Variants in PBX1 observed in about 807,000 individuals in gnomAD.
PBX1 encodes pre-B-cell leukemia transcription factor 1.
PBX1 carries 6 observed loss-of-function variants against 53.4 expected under a neutral mutation model. The ratio of observed to expected loss-of-function variants is 0.11; its 90% CI spans 0.06 to 0.22. The LOEUF (loss-of-function observed/expected upper bound fraction) is 0.22. Ranked by LOEUF, PBX1 falls within the 10% of genes least tolerant of loss-of-function variation. The probability of loss-of-function intolerance (pLI) is 1.00; values close to 1 mark genes in which losing one functional copy is unlikely to be tolerated. For synonymous variants in PBX1, 204 were observed against 212.3 expected (o/e 0.96, Z 0.34); for missense variants, 251 against 551.4 (o/e 0.46, Z 5.46).
At chr1:164,719,701 C>T (rs904529595) in intron 2 of PBX1, among the ~76,000 whole-genome samples, 2 of 152,216 alleles carry the variant, frequency 1.3e-5, no homozygotes, top group Admixed American at 6.5e-5. Context: ...AATGAATATA[C>T]CCACATTGGC....
chr1:164,722,179 C>G (rs1448508418), intron 2 of PBX1, among the ~76,000 whole-genome samples: 1 of 152,178 alleles, frequency 6.6e-6, no homozygotes, highest in Non-Finnish European at 1.5e-5. Flanking sequence ...GTTACAGAAT[C>G]TTCTTGCTGC....
At chr1:164,653,275 C>T (rs1168769192) in intron 2 of PBX1, among the ~76,000 whole-genome samples, 1 of 151,736 alleles carries the variant, frequency 6.6e-6, no homozygotes, top group East Asian at 1.9e-4. Flanking sequence ...TGCATCAGTA[C>T]TTCACCCCTC....
intron 2 of PBX1, chr1:164,773,010 A>G (rs1278078122): frequency 6.6e-6 from 1 of 152,106 alleles, no homozygotes; most frequent in Non-Finnish European, 1.5e-5. Context: ...GATCAGCTTA[A>G]CTCATCTCCA....
rs369928610 is a variant in PBX1 at position 164,864,778 on chromosome 1, C to T, written n.257+33295C>T. 1.2e-3 allele frequency among the ~76,000 whole-genome samples: 188 copies of T among 152,304 alleles called. 5 individuals are homozygous for T. The South Asian group carries it at 0.038, about 30-fold the overall frequency. ...GCCTAAGAAATGTATGCTCAGAAGG[C>T]AGAAGTGAGCCTCTGCACCTTGTCC... is the stretch of plus-strand genomic sequence containing the variant. On this transcript the variant is annotated intron_variant and non_coding_transcript_variant, in intron 2 of 2. Transcript: ENST00000558796.
At chr1:164,818,970 T>C (rs929032436) in intron 6 of PBX1, 1 of 152,218 alleles carries the variant, frequency 6.6e-6, no homozygotes, top group African/African-American at 2.4e-5. Flanking sequence ...TCTCAGAATA[T>C]GAGGGCAAGA....
chr1:164,826,317 G>A (rs190947638), intron 8 of PBX1, among the ~76,000 whole-genome samples: 5 of 152,260 alleles, frequency 3.3e-5, no homozygotes, highest in Admixed American at 2.6e-4. Context: ...AAGTGCTCTC[G>A]TTACACAAAC....
At chr1:164,573,552 C>A (rs868399284) in intron 2 of PBX1, among the ~76,000 whole-genome samples, 1 of 140,694 alleles carries the variant, frequency 7.1e-6, no homozygotes, top group Non-Finnish European at 1.5e-5. Flanking sequence ...AGTGCAGTGG[C>A]GTGATCTCGG....
At chr1:164,846,173 C>A (rs182237225) in intron 8 of PBX1, among the ~76,000 whole-genome samples, 166 of 152,166 alleles carry the variant, frequency 1.1e-3, no homozygotes, top group African/African-American at 3.7e-3. Flanking sequence ...TTTGAGCCAA[C>A]CTTCTTATTT....
At position 164,870,266 on chromosome 1, in the gene PBX1, CTTCTTTCTTTCTTTCTTTCTTTCTTTCT is replaced by C. The variant is rs1162744857; in HGVS notation, n.258-28854_258-28827del. Among the ~76,000 whole-genome samples the C allele has an allele frequency of 4.5e-3, 202 of 45,074 alleles. 2 individuals are homozygous for C. The highest frequency in any genetic ancestry group is 7.3e-3 in the African/African-American group (103 of 14,172). 29.6% of individuals were successfully genotyped at this position (45,074 alleles called of 152,430 possible). A position where few individuals can be genotyped will look rare whatever the true frequency, so the allele number is the denominator to read the frequency against. ...CCTTCCTTCCTTCCTTCCTTCCTTC[CTTCTTTCTTTCTTTCTTTCTTTCTTTCT>C]TTCTTTCTTTCTTTCTTTCTTTCTT... On this transcript the variant is annotated intron_variant and non_coding_transcript_variant, in intron 2 of 2. Transcript: ENST00000558796.
chr1:164,674,131 T>G (rs1295586997), intron 2 of PBX1, among the ~76,000 whole-genome samples: 2 of 152,222 alleles, frequency 1.3e-5, no homozygotes, highest in Non-Finnish European at 2.9e-5. Context: ...CATCAGTCCC[T>G]GGTAAACCTC....
chr1:164,650,794 A>G (rs1287437434), intron 2 of PBX1, among the ~76,000 whole-genome samples: 1 of 151,138 alleles, frequency 6.6e-6, no homozygotes, highest in Non-Finnish European at 1.5e-5. Context: ...TTTCATCATC[A>G]TCCTCCACTC....
intron 2 of PBX1, among the ~76,000 whole-genome samples, chr1:164,735,650 A>G (rs1434837773): frequency 2.6e-5 from 4 of 152,202 alleles, no homozygotes; most frequent in Non-Finnish European, 5.9e-5. Context: ...ACTGATGACT[A>G]GAGAGACCCA....
At chr1:164,751,562 T>C (rs1318180651) in intron 2 of PBX1, among the ~76,000 whole-genome samples, 2 of 151,080 alleles carry the variant, frequency 1.3e-5, no homozygotes, top group African/African-American at 4.9e-5. Flanking sequence ...TGTTCAAATG[T>C]AATGGGTTTA....
chr1:164,666,026 C>T (rs897493832), intron 2 of PBX1, among the ~76,000 whole-genome samples: 24 of 152,100 alleles, frequency 1.6e-4, no homozygotes, highest in Admixed American at 1.0e-3. Flanking sequence ...ATAAAATTTT[C>T]GGTATGGGAT....
intron 1 of PBX1, among the ~76,000 whole-genome samples, chr1:164,561,863 AT>A (rs1197810284): frequency 1.3e-5 from 2 of 152,050 alleles, no homozygotes; most frequent in African/African-American, 4.8e-5. Context: ...TTTTGTTTGC[AT>A]TTGGGCCTAT....
At chr1:164,703,799 C>T (rs1663270173) in intron 2 of PBX1, among the ~76,000 whole-genome samples, 1 of 152,220 alleles carries the variant, frequency 6.6e-6, no homozygotes, top group East Asian at 1.9e-4. Context: ...ATTCCTCCTC[C>T]TACCTTTTCC....
At chr1:164,807,996 A>T (rs377660354) in intron 5 of PBX1, among the ~76,000 whole-genome samples, 2 of 152,222 alleles carry the variant, frequency 1.3e-5, no homozygotes, top group African/African-American at 4.8e-5. Context: ...TAGGAAAGTT[A>T]TCTGCATTCC....
intron 2 of PBX1, chr1:164,884,631 G>A: frequency 4.3e-6 from 2 of 463,414 alleles, no homozygotes. Context: ...TCCCCTATCT[G>A]AAAAGTGGCC....
intron 2 of PBX1, among the ~76,000 whole-genome samples, chr1:164,869,173 C>T (rs1337718311): frequency 6.6e-6 from 1 of 152,198 alleles, no homozygotes; most frequent in Non-Finnish European, 1.5e-5. Context: ...AGGCTATGGC[C>T]ATACCACCCT....
Sources: gnomAD v4.1 joint callset for allele counts (sites outside exome capture counted in the v4.1 genomes callset) on GRCh38, gnomAD v4.1.1 for gene constraint, MANE v1.5 for transcripts, NCBI Gene and HGNC (gene_info 2026-07-23, HGNC 2026-07-21) for gene names.